The following UNK variants were observed in gnomAD, a reference collection of about 807,000 sequenced individuals.
UNK encodes RING finger protein unkempt homolog.
Under a neutral mutation model 97.6 loss-of-function variants are expected in UNK, and 32 were observed. The ratio of observed to expected loss-of-function variants is 0.33; its 90% CI spans 0.25 to 0.44. UNK has a LOEUF of 0.44. UNK is among the 20% of genes least tolerant of loss of function. The pLI is 1.00. For missense variants in UNK, 771 were observed against 1,098.4 expected (o/e 0.70, Z 4.21); for synonymous variants, 441 against 461.2 (o/e 0.96, Z 0.56).
chr17:75,794,908 C>T lies in UNK; in HGVS notation c.104+9924C>T, dbSNP rs75769185. Among the ~76,000 whole-genome samples, 1,301 of 152,288 alleles carry T rather than the reference C, an allele frequency of 8.5e-3. 15 individuals carry two copies. The highest frequency in any genetic ancestry group is 0.031 in the Middle Eastern group (9 of 294). The stretch of plus-strand genomic sequence containing the variant: ...TTAGCACAGCGTAGGTACTGTTCTC[C>T]GCCATTATTTGAACAGGGCCCTAGT... On this transcript the variant is annotated intron_variant, in intron 1 of 15. Coordinates refer to ENST00000589666, the MANE Select transcript of UNK (RefSeq NM_001080419.3).
intron 1 of UNK, among the ~76,000 whole-genome samples, chr17:75,799,094 G>A (rs892637411): frequency 6.6e-6 from 1 of 151,564 alleles, no homozygotes; most frequent in African/African-American, 2.4e-5. Flanking sequence ...GAGGGTTGCT[G>A]GAGGTCAGGA....
At chr17:75,810,650 G>A (rs1019233652) in intron 2 of UNK, among the ~76,000 whole-genome samples, 4 of 151,968 alleles carry the variant, frequency 2.6e-5, no homozygotes, top group Non-Finnish European at 4.4e-5. Context: ...CAGCATCCTC[G>A]CTGCACCCTC....
At chr17:75,813,972 C>A in intron 6 of UNK, 94 bp downstream of exon 6, 1 of 1,143,820 alleles carries the variant, frequency 8.7e-7, no homozygotes, top group Non-Finnish European at 1.2e-6. Flanking sequence ...CATCCTGATG[C>A]CATCCTGGAA....
In UNK at chr17:75,817,612, G is replaced by A. The variant is rs373016079; in HGVS notation, c.1305+86G>A. The A allele has an allele frequency of 7.0e-5, 98 of 1,393,996 alleles. 2 individuals carry two copies. In the Middle Eastern group the frequency reaches 7.7e-4, roughly 11 times the overall value. 86.4% of individuals were successfully genotyped at this position (1,393,996 alleles called of 1,614,324 possible). ...TGGAGGAGTGTCTTGGTCCAGCTAC[G>A]GGGAGGATGACTGGGAGCTAGGACT... is the stretch of plus-strand genomic sequence containing the variant. On this transcript the variant is annotated intron_variant, in intron 9 of 15. Coordinates refer to ENST00000589666, the MANE Select transcript of UNK (RefSeq NM_001080419.3). This position sits in a 1 kb window ranked among gnomAD's most constrained non-coding sequence, Gnocchi z 5.8.
In UNK at chr17:75,824,452, C is replaced by A; in HGVS notation, c.*35C>A. ...CCTGGCCCAGCCTGGCCCAGATCTT[C>A]TCACCTAGGACTTTTTAAAGTATAT... is the stretch of plus-strand genomic sequence containing the variant. On this transcript the variant is annotated 3_prime_UTR_variant, in exon 16 of 16. Transcript: ENST00000589666. This position sits in a 1 kb window ranked among gnomAD's most constrained non-coding sequence, Gnocchi z 4.9. 1 of 1,397,640 alleles carries A rather than the reference C, an allele frequency of 7.2e-7. No individual in the cohort carries two copies. The highest frequency in any genetic ancestry group is 9.3e-7 in the Non-Finnish European group (1 of 1,076,958). The allele number at this position is 1,397,640 out of a possible 1,614,324, so 86.6% of individuals were successfully genotyped here. A position where few individuals can be genotyped will look rare whatever the true frequency, so the allele number is the denominator to read the frequency against.
Position 75,818,177 on chromosome 17 carries a change from C to T in UNK, c.1371+9C>T. 1 of 1,613,390 alleles carries T rather than the reference C, an allele frequency of 6.2e-7. No individual in the cohort carries two copies. The highest frequency in any genetic ancestry group is 1.1e-5 in the South Asian group (1 of 91,050). The stretch of plus-strand genomic sequence containing the variant: ...TGCTTCAGCCCAAACAGGTATAGAG[C>T]TCTCAGCCCCCTTCCTCCCCTCTGC... On this transcript the variant is annotated intron_variant, in intron 10 of 15. Coordinates refer to ENST00000589666, the MANE Select transcript of UNK (RefSeq NM_001080419.3). This position sits in a 1 kb window ranked among gnomAD's most constrained non-coding sequence, Gnocchi z 5.1.
chr17:75,821,619 C>A (rs753562524), intron 13 of UNK: 1 of 456,628 alleles, frequency 2.2e-6, no homozygotes, highest in Non-Finnish European at 4.4e-6. Flanking sequence ...GAGAGCAAAG[C>A]GTCTTAAATC....
intron 1 of UNK, among the ~76,000 whole-genome samples, chr17:75,788,084 G>A (rs1385321012): frequency 2.6e-5 from 4 of 152,082 alleles, no homozygotes; most frequent in African/African-American, 7.2e-5. Flanking sequence ...GACATACGGA[G>A]TGGAATAATA....
chr17:75,795,230 G>A (rs1319968420), intron 1 of UNK, among the ~76,000 whole-genome samples: 2 of 152,080 alleles, frequency 1.3e-5, no homozygotes, highest in Admixed American at 1.3e-4. Flanking sequence ...GAACATGTTA[G>A]TTTAAACATA....
chr17:75,786,578 C>G (rs550618861), intron 1 of UNK, among the ~76,000 whole-genome samples: 1 of 152,226 alleles, frequency 6.6e-6, no homozygotes, highest in East Asian at 1.9e-4. Context: ...TCTTTCCTGC[C>G]GGGCGTGGTA....
intron 7 of UNK, among the ~76,000 whole-genome samples, chr17:75,815,745 G>A (rs2062010113): frequency 6.6e-6 from 1 of 151,858 alleles, no homozygotes; most frequent in Non-Finnish European, 1.5e-5. Context: ...AATAAGCTGG[G>A]CATGGTGGCA....
At chr17:75,807,734 T>C (rs139098085) in intron 1 of UNK, among the ~76,000 whole-genome samples, 1,917 of 152,274 alleles carry the variant, frequency 0.013, 42 homozygotes, top group African/African-American at 0.042. Context: ...ATTACAGGCA[T>C]GAGCCACCGT....
At chr17:75,823,965 C>T (rs1233532631) in intron 15 of UNK, among the ~76,000 whole-genome samples, 1 of 152,206 alleles carries the variant, frequency 6.6e-6, no homozygotes, top group Non-Finnish European at 1.5e-5. Flanking sequence ...CCGGGTGTGG[C>T]CCTGGGCATG....
intron 1 of UNK, chr17:75,792,681 T>C (rs1422754465): frequency 5.8e-6 from 1 of 171,472 alleles, no homozygotes; most frequent in Non-Finnish European, 1.2e-5. Flanking sequence ...AGAAAGTGCA[T>C]GGGATAATAG....
At chr17:75,792,139 A>G (rs2061768573) in intron 1 of UNK, 1 of 940,174 alleles carries the variant, frequency 1.1e-6, no homozygotes, top group Admixed American at 6.2e-5. Context: ...CTTTACCTAA[A>G]GGTAATTTTT....
At chr17:75,789,970 C>T (rs1428665393) in intron 1 of UNK, among the ~76,000 whole-genome samples, 1 of 137,710 alleles carries the variant, frequency 7.3e-6, no homozygotes, top group Non-Finnish European at 1.6e-5. Context: ...GTAAAACCCC[C>T]GTCTCTACTA....
At position 75,809,796 on chromosome 17, in the gene UNK, C is replaced by T. The variant is rs2061951805; in HGVS notation, c.141C>T (p.Leu47=). 1 of 1,612,934 alleles carries T rather than the reference C, an allele frequency of 6.2e-7. No homozygotes were observed. The highest frequency in any genetic ancestry group is 1.7e-5 in the Admixed American group (1 of 59,864). ...AATTCCGCACAGAGCAGTGCCCACTCTTTGTGCAACACAAATGCACGCAGC... is the reference window on the plus strand; with the variant it reads ...AATTCCGCACAGAGCAGTGCCCACTTTTTGTGCAACACAAATGCACGCAGC... ...LKEFRTEQCP[L]FVQHKCTQHR... The change falls in exon 2 of 16, where the codon CTC becomes CTT. Residue 47 remains leucine, a synonymous_variant. Coordinates refer to ENST00000589666, the MANE Select transcript of UNK (RefSeq NM_001080419.3).
At chr17:75,785,167 T>A (rs2061696780) in intron 1 of UNK, 183 bp downstream of exon 1, 1 of 496,554 alleles carries the variant, frequency 2.0e-6, no homozygotes, top group Admixed American at 4.1e-5. Flanking sequence ...CACCAACCTC[T>A]GGTCGGGCTG....
Position 75,812,215 on chromosome 17 carries a change from T to G in UNK, c.418T>G (p.Cys140Gly). Residue 140 changes from cysteine to glycine, a missense_variant, in exon 3 of 16, where the codon TGC becomes GGC. This residue lies in a region of UNK where 246 missense variants were observed against 440.7 expected (regional missense o/e 0.56). Coordinates refer to ENST00000589666, the MANE Select transcript of UNK (RefSeq NM_001080419.3). ...CCACGAGACAGACTCGAAAGGCAACTGCACCAAAAACGGCCTGCACTGCGC... is the reference window on the plus strand; with the variant it reads ...CCACGAGACAGACTCGAAAGGCAACGGCACCAAAAACGGCCTGCACTGCGC... ...CIHETDSKGNCTKNGLHCAFA... is the reference protein window; with the variant it reads ...CIHETDSKGNGTKNGLHCAFA... 1 of 1,614,004 alleles carries G rather than the reference T, an allele frequency of 6.2e-7. No individual in the cohort carries two copies. The highest frequency in any genetic ancestry group is 1.1e-5 in the South Asian group (1 of 91,088).
Sources: allele counts gnomAD v4.1 joint callset (sites outside exome capture counted in the v4.1 genomes callset), GRCh38; gene constraint gnomAD v4.1.1; regional missense constraint gnomAD v4.1.1; non-coding constraint Gnocchi (gnomAD v3.1); transcripts MANE v1.5; gene names NCBI Gene and HGNC (gene_info 2026-07-23, HGNC 2026-07-21).